Variants in PPP6R2 observed in about 807,000 individuals in gnomAD.
The protein encoded by PPP6R2 is protein phosphatase 6 regulatory subunit 2, also known as serine/threonine-protein phosphatase 6 regulatory subunit 2.
In PPP6R2, 62 loss-of-function variants were observed where a neutral mutation model predicts 100.2. That is an observed-to-expected ratio of 0.62 (90% CI 0.50 to 0.76). The LOEUF (loss-of-function observed/expected upper bound fraction) is 0.76, where lower values mean the gene tolerates loss of function less well. Ranked by LOEUF, PPP6R2 falls within the 30% of genes least tolerant of loss-of-function variation. The pLI, the probability that PPP6R2 is intolerant of heterozygous loss-of-function variation, is 0.00. For synonymous variants in PPP6R2, 525 were observed against 514.7 expected (o/e 1.02, Z -0.27); for missense variants, 1,142 against 1,276.3 (o/e 0.89, Z 1.60).
chr22:50,400,582 C>T (rs539810513), intron 3 of PPP6R2, among the ~76,000 whole-genome samples: 15 of 152,268 alleles, frequency 9.9e-5, no homozygotes, highest in Middle Eastern at 6.8e-3. Flanking sequence ...TTCTCAATTT[C>T]CCAGTAATGT....
chr22:50,432,206 G>C (rs746909484), intron 11 of PPP6R2, 59 bp from the exon 12 acceptor site: 72 of 1,450,898 alleles, frequency 5.0e-5, no homozygotes, highest in Non-Finnish European at 6.8e-5. Context: ...GGGATGGGTG[G>C]AGGGGTGCGT....
chr22:50,419,201 G>A (rs983017126), intron 7 of PPP6R2, 148 bp from the exon 8 acceptor site: 1 of 749,592 alleles, frequency 1.3e-6, no homozygotes, highest in Admixed American at 2.5e-5. Flanking sequence ...GCAGCAGCAG[G>A]AGTGTCCTGA....
At position 50,348,942 on chromosome 22, in the gene PPP6R2, A is replaced by C. The variant is rs139455278; in HGVS notation, c.-148+5392A>C. Among the ~76,000 whole-genome samples, 1,478 of 152,268 alleles carry C rather than the reference A, an allele frequency of 9.7e-3. 8 individuals carry two copies. Among genetic ancestry groups the C allele is most frequent in the Middle Eastern group, 0.02 (6 of 294 alleles). ...CGCAGTGGCTCACGCCTGTAATCCC[A>C]GCACTTTGGGATGCTGAGGCGGGCG... is the stretch of plus-strand genomic sequence containing the variant. On this transcript the variant is annotated intron_variant, in intron 1 of 23. Coordinates refer to ENST00000612753, the MANE Select transcript of PPP6R2 (RefSeq NM_001242898.2).
At chr22:50,405,980 GA>G (rs2058852396) in intron 3 of PPP6R2, among the ~76,000 whole-genome samples, 1 of 144,364 alleles carries the variant, frequency 6.9e-6, no homozygotes, top group South Asian at 2.3e-4. Flanking sequence ...GAGAGGCCTG[GA>G]GAGAAGTGAG....
At chr22:50,415,720 T>C (rs2060443416) in intron 5 of PPP6R2, among the ~76,000 whole-genome samples, 1 of 152,212 alleles carries the variant, frequency 6.6e-6, no homozygotes, top group African/African-American at 2.4e-5. Flanking sequence ...TTCCTCAACA[T>C]GGGAAGGCCC....
rs117994560 is a variant in PPP6R2 at position 50,352,899 on chromosome 22, G to A, written c.-148+9349G>A. ...CTGAGTAATACAGTGAAACCTCATC[G>A]CTACAAAATAAAAGTTTAGCTGAAT... On this transcript the variant is annotated intron_variant, in intron 1 of 23. Coordinates refer to ENST00000612753, the MANE Select transcript of PPP6R2 (RefSeq NM_001242898.2). Among the ~76,000 whole-genome samples, 295 of 151,728 alleles carry A rather than the reference G, an allele frequency of 1.9e-3. 11 individuals are homozygous for A. In the East Asian group the frequency reaches 0.051, roughly 26 times the overall value.
At chr22:50,437,372 T>A in intron 15 of PPP6R2, 134 bp from the exon 16 acceptor site, 1 of 690,450 alleles carries the variant, frequency 1.4e-6, no homozygotes, top group Non-Finnish European at 2.5e-6. Flanking sequence ...GAACAGAGTT[T>A]ACTGCCCACT....
intron 8 of PPP6R2, 86 bp from the exon 9 acceptor site, chr22:50,422,168 C>G (rs1419692114): frequency 1.3e-6 from 2 of 1,526,134 alleles, no homozygotes; most frequent in East Asian, 4.6e-5. Context: ...AGGGCTCTTT[C>G]TGGAAGAAGC....
intron 16 of PPP6R2, 103 bp downstream of exon 16, chr22:50,437,706 G>A (rs2064669398): frequency 7.2e-7 from 1 of 1,398,352 alleles, no homozygotes; most frequent in Non-Finnish European, 1.0e-6. Flanking sequence ...GCCGTCTGAT[G>A]TCCCCGGGAG....
At chr22:50,360,287 A>G (rs536791744) in intron 1 of PPP6R2, among the ~76,000 whole-genome samples, 3 of 150,834 alleles carry the variant, frequency 2.0e-5, no homozygotes, top group African/African-American at 7.3e-5. Context: ...TCTTGACCTC[A>G]TGATCTGCCT....
Position 50,437,077 on chromosome 22 carries a change from G to A in PPP6R2, c.1683+9G>A, listed in dbSNP as rs1034992872. 12 of 1,554,926 alleles carry A rather than the reference G, an allele frequency of 7.7e-6. No homozygotes were observed. Among genetic ancestry groups the A allele is most frequent in the South Asian group, 2.4e-5 (2 of 84,474 alleles). On this transcript the variant is annotated intron_variant, in intron 15 of 23. Coordinates refer to ENST00000612753, the MANE Select transcript of PPP6R2 (RefSeq NM_001242898.2). The stretch of plus-strand genomic sequence containing the variant: ...AGCTGTCCCTTCAGCAGGTGAGGGC[G>A]TGGCCGGCACCTGCACCCTGCCGGG...
chr22:50,426,064 C>T (rs1308081815), intron 10 of PPP6R2, among the ~76,000 whole-genome samples: 1 of 152,060 alleles, frequency 6.6e-6, no homozygotes, highest in Non-Finnish European at 1.5e-5. Context: ...GTGATCCTCC[C>T]ACCTCAGCCT....
intron 1 of PPP6R2, among the ~76,000 whole-genome samples, chr22:50,356,708 G>A (rs993465965): frequency 6.6e-6 from 1 of 151,956 alleles, no homozygotes; most frequent in Non-Finnish European, 1.5e-5. Context: ...AGGCCGAGGC[G>A]GGTGGATCAC....
chr22:50,394,406 G>T (rs192868950), intron 3 of PPP6R2, among the ~76,000 whole-genome samples: 1 of 150,892 alleles, frequency 6.6e-6, no homozygotes, highest in African/African-American at 2.4e-5. Flanking sequence ...ACCAGCCTGG[G>T]CAACATAGTG....
chr22:50,426,009 G>A (rs904824760), intron 10 of PPP6R2, among the ~76,000 whole-genome samples: 3 of 151,890 alleles, frequency 2.0e-5, no homozygotes, highest in Non-Finnish European at 2.9e-5. Context: ...GGGTCTTGCA[G>A]TACAGTGATC....
chr22:50,343,323 C>A (rs557065206), upstream of PPP6R2: 2 of 150,314 alleles, frequency 1.3e-5, no homozygotes, highest in South Asian at 1.9e-4. Context: ...GCCCGTGCGC[C>A]GCCGCCGCCA....
At chr22:50,374,803 A>G (rs563526801) in intron 2 of PPP6R2, among the ~76,000 whole-genome samples, 31 of 151,396 alleles carry the variant, frequency 2.0e-4, no homozygotes, top group African/African-American at 6.8e-4. Context: ...ATTCCCAGCT[A>G]CTCAGGAGGC....
intron 10 of PPP6R2, among the ~76,000 whole-genome samples, chr22:50,429,038 T>G (rs959992543): frequency 6.6e-6 from 1 of 152,186 alleles, no homozygotes; most frequent in Non-Finnish European, 1.5e-5. Flanking sequence ...TTGAATTTTT[T>G]TTTTTTTTTG....
intron 4 of PPP6R2, among the ~76,000 whole-genome samples, chr22:50,412,331 A>C (rs926923011): frequency 6.6e-6 from 1 of 151,240 alleles, no homozygotes; most frequent in Non-Finnish European, 1.5e-5. Context: ...AGCTGGGATT[A>C]CAGCCACCCA....
Sources: allele counts gnomAD v4.1 joint callset (sites outside exome capture counted in the v4.1 genomes callset), GRCh38; gene constraint gnomAD v4.1.1; transcripts MANE v1.5; gene names NCBI Gene and HGNC (gene_info 2026-07-23, HGNC 2026-07-21).